TNFRSF11B: variants seen among roughly 807,000 people sequenced by gnomAD.
TNFRSF11B encodes the protein tumor necrosis factor receptor superfamily member 11B.
TNFRSF11B carries 16 observed loss-of-function variants against 43.4 expected under a neutral mutation model. The observed-to-expected ratio is 0.37, with a 90% CI of 0.25 to 0.56. The LOEUF (loss-of-function observed/expected upper bound fraction) is 0.56, where lower values mean the gene tolerates loss of function less well. Ranked by LOEUF, TNFRSF11B falls within the 20% of genes least tolerant of loss-of-function variation. TNFRSF11B has a pLI of 0.80. For synonymous variants in TNFRSF11B, 185 were observed against 181.8 expected (o/e 1.02, Z -0.14); for missense variants, 444 against 490.1 (o/e 0.91, Z 0.89).
chr8:118,946,459 T>A (rs1323501429), intron 1 of TNFRSF11B, among the ~76,000 whole-genome samples: 1 of 152,184 alleles, frequency 6.6e-6, no homozygotes, highest in Non-Finnish European at 1.5e-5. Flanking sequence ...ACATGTCACA[T>A]AAAAACACCG....
At chr8:118,948,076 G>C (rs1230040499) in intron 1 of TNFRSF11B, among the ~76,000 whole-genome samples, 8 of 152,098 alleles carry the variant, frequency 5.3e-5, no homozygotes, top group Admixed American at 1.3e-4. Flanking sequence ...TGTTTCAAAG[G>C]ATTTATTGTA....
chr8:118,937,325 T>C (rs1812419166), intron 1 of TNFRSF11B, among the ~76,000 whole-genome samples: 2 of 152,188 alleles, frequency 1.3e-5, no homozygotes, highest in South Asian at 4.1e-4. Context: ...TTCATACTTC[T>C]TGTTCCACCT....
intron 1 of TNFRSF11B, among the ~76,000 whole-genome samples, chr8:118,937,841 A>T (rs1812424704): frequency 6.6e-6 from 1 of 152,230 alleles, no homozygotes; most frequent in Admixed American, 6.5e-5. Flanking sequence ...TACAGAAAAG[A>T]GTTTTGTAAG....
At chr8:118,927,891 C>A (rs1420250027) in intron 3 of TNFRSF11B, among the ~76,000 whole-genome samples, 1 of 152,134 alleles carries the variant, frequency 6.6e-6, no homozygotes, top group Non-Finnish European at 1.5e-5. Flanking sequence ...ATTCGAATAA[C>A]CTGAACTTAA....
intron 3 of TNFRSF11B, 54 bp downstream of exon 3, chr8:118,928,684 A>C: frequency 1.3e-6 from 2 of 1,530,884 alleles, no homozygotes; most frequent in Non-Finnish European, 1.8e-6. Context: ...TTCAACTCAG[A>C]GAGAGAGATG....
rs1231471998 is a variant in TNFRSF11B at position 118,931,891 on chromosome 8, G to A, written c.400+1040C>T. The stretch of plus-strand genomic sequence containing the variant: ...ACCAGGAGTGATTTTGCCACCTGAC[G>A]ACATTTGACAGTGTCTGAAGACATT... On this transcript the variant is annotated intron_variant, in intron 2 of 4. Transcript: ENST00000297350. Among the ~76,000 whole-genome samples the A allele has an allele frequency of 3.3e-5, 5 of 152,186 alleles. No homozygotes were observed. In the East Asian group the frequency reaches 9.6e-4, roughly 29 times the overall value.
intron 1 of TNFRSF11B, among the ~76,000 whole-genome samples, chr8:118,949,267 C>T (rs1812607399): frequency 6.6e-6 from 1 of 152,080 alleles, no homozygotes; most frequent in Non-Finnish European, 1.5e-5. Context: ...TCCAAGATGC[C>T]TGATTTTAAA....
chr8:118,934,907 A>G (rs1054835120), intron 1 of TNFRSF11B, among the ~76,000 whole-genome samples: 5 of 152,222 alleles, frequency 3.3e-5, no homozygotes, highest in African/African-American at 7.2e-5. Flanking sequence ...TAAGCATTTG[A>G]ACATTTTAAC....
chr8:118,924,722 T>G lies in TNFRSF11B; in HGVS notation c.858A>C (p.Gly286=). 1 of 1,614,212 alleles carries G rather than the reference T, an allele frequency of 6.2e-7. No individual in the cohort carries two copies. The change falls in exon 5 of 5, where the codon GGA becomes GGC. Residue 286 remains glycine (G), a synonymous_variant. Transcript: ENST00000297350. The stretch of plus-strand genomic sequence containing the variant: ...GCTGCTCGAAGGTGAGGTTAGCATG[T>G]CCAATGTGCCGCTGCACGCTGTTTT... ...LCENSVQRHI[G]HANLTFEQLR...
chr8:118,940,934 T>C (rs1383764711), intron 1 of TNFRSF11B, among the ~76,000 whole-genome samples: 2 of 152,204 alleles, frequency 1.3e-5, no homozygotes, highest in East Asian at 3.8e-4. Context: ...GTCTTACACA[T>C]GGCAAGTATT....
In TNFRSF11B at chr8:118,942,940, T is replaced by A. The variant is rs528879688; in HGVS notation, c.30+8852A>T. 2.3e-3 allele frequency among the ~76,000 whole-genome samples: 352 copies of A among 152,164 alleles called. 1 individual carries two copies. The highest frequency in any genetic ancestry group is 8.1e-3 in the African/African-American group (336 of 41,524). ...ACCTACCTTCCTACCTACCTACCTA[T>A]TTGACCATCCGTCTGTCCACCTACC... On this transcript the variant is annotated intron_variant, in intron 1 of 4. Coordinates refer to ENST00000297350, the MANE Select transcript of TNFRSF11B (RefSeq NM_002546.4).
At chr8:118,938,409 G>A (rs1035258994) in intron 1 of TNFRSF11B, among the ~76,000 whole-genome samples, 42 of 152,088 alleles carry the variant, frequency 2.8e-4, no homozygotes, top group East Asian at 3.8e-4. Context: ...TTATCATTAC[G>A]TCTCCACCAA....
chr8:118,951,660 G>T, intron 1 of TNFRSF11B, 132 bp downstream of exon 1: 1 of 899,870 alleles, frequency 1.1e-6, no homozygotes, highest in Non-Finnish European at 1.8e-6. Flanking sequence ...TCCTGCTCCA[G>T]CCTAACCCCA....
chr8:118,934,396 A>T (rs1362192644), intron 1 of TNFRSF11B, among the ~76,000 whole-genome samples: 1 of 152,220 alleles, frequency 6.6e-6, no homozygotes, highest in Non-Finnish European at 1.5e-5. Flanking sequence ...TGACATCTAA[A>T]AACAATATTA....
At chr8:118,936,802 CAAAACA>C (rs1169447432) in intron 1 of TNFRSF11B, among the ~76,000 whole-genome samples, 1 of 151,710 alleles carries the variant, frequency 6.6e-6, no homozygotes, top group African/African-American at 2.4e-5. Context: ...GACTCTGTCT[CAAAACA>C]AAAACAAAAC....
intron 4 of TNFRSF11B, 147 bp from the exon 5 acceptor site, chr8:118,924,909 A>G (rs962214151): frequency 6.3e-6 from 6 of 945,246 alleles, no homozygotes; most frequent in Non-Finnish European, 8.1e-6. Context: ...GAGTTAAGTG[A>G]CACCATTTAT....
intron 1 of TNFRSF11B, among the ~76,000 whole-genome samples, chr8:118,933,610 G>A (rs763518475): frequency 3.3e-5 from 5 of 152,202 alleles, no homozygotes; most frequent in East Asian, 1.9e-4. Flanking sequence ...ACACTTTGTC[G>A]TCTTGGGTTG....
At chr8:118,937,836 A>T (rs373286767) in intron 1 of TNFRSF11B, among the ~76,000 whole-genome samples, 6 of 152,234 alleles carry the variant, frequency 3.9e-5, no homozygotes, top group East Asian at 3.8e-4. Context: ...ATACTTACAG[A>T]AAAGAGTTTT....
intron 2 of TNFRSF11B, among the ~76,000 whole-genome samples, chr8:118,930,251 T>C (rs1167433741): frequency 6.6e-6 from 1 of 152,220 alleles, no homozygotes; most frequent in African/African-American, 2.4e-5. Context: ...CAACTCTATA[T>C]CAAATTCTAC....
Sources: gnomAD v4.1 joint callset for allele counts (sites outside exome capture counted in the v4.1 genomes callset) on GRCh38, gnomAD v4.1.1 for gene constraint, MANE v1.5 for transcripts, NCBI Gene and HGNC (gene_info 2026-07-23, HGNC 2026-07-21) for gene names.